The following THADA variants were observed in gnomAD, a reference collection of about 807,000 sequenced individuals.
THADA encodes the protein THADA armadillo repeat containing, also known as tRNA (32-2'-O)-methyltransferase regulator THADA.
In THADA, 213 loss-of-function variants were observed where a neutral mutation model predicts 219.8. That is an observed-to-expected ratio of 0.97 (90% confidence interval 0.87 to 1.09). The LOEUF is 1.09. Ranked by LOEUF, THADA falls within the 50% of genes least tolerant of loss-of-function variation. The pLI, the probability that THADA is intolerant of heterozygous loss-of-function variation, is 0.00. For synonymous variants in THADA, 1,018 were observed against 828.9 expected (o/e 1.23, Z -3.92); for missense variants, 2,956 against 2,311.3 (o/e 1.28, Z -5.72).
At chr2:43,417,401 T>C (rs1234268423) in intron 28 of THADA, among the ~76,000 whole-genome samples, 1 of 152,150 alleles carries the variant, frequency 6.6e-6, no homozygotes, top group Non-Finnish European at 1.5e-5. Flanking sequence ...TTTCCTATTA[T>C]AATAAGGAAA....
intron 28 of THADA, among the ~76,000 whole-genome samples, chr2:43,421,890 A>G (rs982705532): frequency 1.3e-5 from 2 of 152,222 alleles, no homozygotes; most frequent in Admixed American, 1.3e-4. Flanking sequence ...TGGCATCCCA[A>G]CTTCTTTTCT....
intron 29 of THADA, among the ~76,000 whole-genome samples, chr2:43,355,570 A>C (rs766124610): frequency 2.0e-5 from 3 of 152,170 alleles, no homozygotes; most frequent in Non-Finnish European, 2.9e-5. Context: ...CCAAGAAATC[A>C]CTGCCAAGGC....
chr2:43,279,211 A>T (rs1673065715), intron 36 of THADA, among the ~76,000 whole-genome samples: 2 of 152,170 alleles, frequency 1.3e-5, no homozygotes, highest in Admixed American at 6.5e-5. Context: ...CGACCTCAGG[A>T]CTACCCAGCT....
chr2:43,295,626 A>G (rs1675279166), intron 31 of THADA, among the ~76,000 whole-genome samples: 1 of 152,252 alleles, frequency 6.6e-6, no homozygotes, highest in Non-Finnish European at 1.5e-5. Context: ...AGCTAATAAA[A>G]CACCGTTTAT....
At chr2:43,356,619 G>C (rs1238615124) in intron 29 of THADA, among the ~76,000 whole-genome samples, 1 of 152,092 alleles carries the variant, frequency 6.6e-6, no homozygotes, top group Non-Finnish European at 1.5e-5. Flanking sequence ...TCAATTCAAA[G>C]CACCTTTAGT....
chr2:43,388,420 GA>G lies in THADA; in HGVS notation c.4227+9550del, dbSNP rs139731350. On this transcript the variant is annotated intron_variant, in intron 29 of 37. Transcript: ENST00000405975. ...GGATGGAAAGCATATCTTCCAAGAT[GA>G]AAAAAAAACTTGGAATGTGCTAGAT... Among the ~76,000 whole-genome samples the G allele has an allele frequency of 6.6e-3, 991 of 151,280 alleles. 12 individuals are homozygous for G. The highest frequency in any genetic ancestry group is 0.023 in the African/African-American group (951 of 41,250).
intron 36 of THADA, among the ~76,000 whole-genome samples, chr2:43,269,143 A>G (rs1671852749): frequency 6.6e-6 from 1 of 152,214 alleles, no homozygotes; most frequent in Admixed American, 6.5e-5. Flanking sequence ...AAGGAAGATC[A>G]CCAGGCACCA....
At chr2:43,499,055 G>C in intron 24 of THADA, 100 bp from the exon 25 acceptor site, 1 of 1,234,750 alleles carries the variant, frequency 8.1e-7, no homozygotes, top group African/African-American at 1.5e-5. Context: ...AAAATTTACT[G>C]AATTACAAGA....
chr2:43,498,937 G>A lies in THADA; in HGVS notation c.3640C>T (p.Leu1214Phe). ...CGCGTATCTCTGAACAATGCTCTAA[G>A]GATATTTAAAGCATGAACCTAAAAC... ...TVPQVHALNI[L>F]RALFRDTRLG... The change falls in exon 25 of 38, where the codon CTT becomes TTT. Residue 1214 changes from leucine to phenylalanine, a missense_variant. Coordinates refer to ENST00000405975, the MANE Select transcript of THADA (RefSeq NM_022065.5). The A allele has an allele frequency of 1.3e-6, 2 of 1,574,366 alleles. No homozygotes were observed. The highest frequency in any genetic ancestry group is 2.3e-5 in the East Asian group (1 of 43,598).
intron 1 of THADA, among the ~76,000 whole-genome samples, chr2:43,594,678 C>G (rs911592645): frequency 2.6e-4 from 40 of 152,188 alleles, no homozygotes; most frequent in African/African-American, 8.2e-4. Flanking sequence ...CACTCTTCAT[C>G]TCAAACCAAT....
chr2:43,364,566 G>T (rs1001736630), intron 29 of THADA, among the ~76,000 whole-genome samples: 1 of 152,186 alleles, frequency 6.6e-6, no homozygotes, highest in African/African-American at 2.4e-5. Context: ...TCACAATGGA[G>T]AATCACTGCA....
At chr2:43,479,552 A>G (rs575225795) in intron 26 of THADA, among the ~76,000 whole-genome samples, 7 of 152,328 alleles carry the variant, frequency 4.6e-5, no homozygotes, top group Admixed American at 3.9e-4. Flanking sequence ...ATAAGCCTCA[A>G]AATCCTCTAT....
At chr2:43,524,415 T>C (rs1692896310) in intron 22 of THADA, among the ~76,000 whole-genome samples, 1 of 152,236 alleles carries the variant, frequency 6.6e-6, no homozygotes, top group Non-Finnish European at 1.5e-5. Context: ...TCCATTAATC[T>C]CTTTAAGTGC....
chr2:43,454,001 T>A (rs1248232976), intron 26 of THADA, among the ~76,000 whole-genome samples: 1 of 152,094 alleles, frequency 6.6e-6, no homozygotes, highest in Non-Finnish European at 1.5e-5. Flanking sequence ...GGCTCAACCT[T>A]CCAAGTAGCT....
chr2:43,542,944 G>C (rs1695514121), intron 20 of THADA, among the ~76,000 whole-genome samples: 1 of 151,656 alleles, frequency 6.6e-6, no homozygotes, highest in Non-Finnish European at 1.5e-5. Flanking sequence ...GTATACATGT[G>C]CCATGCTGGT....
chr2:43,282,845 C>T (rs978220590), intron 35 of THADA, among the ~76,000 whole-genome samples: 2 of 152,318 alleles, frequency 1.3e-5, no homozygotes, highest in African/African-American at 2.4e-5. Context: ...TCTTGACACA[C>T]GGAGTAGCAG....
chr2:43,566,216 A>C (rs1698661592), intron 15 of THADA: 1 of 441,920 alleles, frequency 2.3e-6, no homozygotes, highest in Non-Finnish European at 4.0e-6. Flanking sequence ...GGGTATTATT[A>C]AATCAGAATA....
rs1181788919 is a variant in THADA at position 43,364,573 on chromosome 2, T to C, written c.4228-20336A>G. On this transcript the variant is annotated intron_variant, in intron 29 of 37. Coordinates refer to ENST00000405975, the MANE Select transcript of THADA (RefSeq NM_022065.5). Reference sequence around the variant, plus strand: ...AAAATGGCTCACAATGGAGAATCACTGCACTAGGCATTCTATTATATATAC... The same window carrying C: ...AAAATGGCTCACAATGGAGAATCACCGCACTAGGCATTCTATTATATATAC... Among the ~76,000 whole-genome samples the C allele has an allele frequency of 3.9e-5, 6 of 152,246 alleles. No homozygotes were observed. The East Asian group carries it at 1.2e-3, about 29-fold the overall frequency.
chr2:43,331,243 T>C (rs535261841), intron 30 of THADA, among the ~76,000 whole-genome samples: 11 of 152,348 alleles, frequency 7.2e-5, no homozygotes, highest in East Asian at 3.9e-4. Flanking sequence ...CTTAGCAACA[T>C]TGGAAAGACA....
Sources: gnomAD v4.1 joint callset for allele counts (sites outside exome capture counted in the v4.1 genomes callset) on GRCh38, gnomAD v4.1.1 for gene constraint, MANE v1.5 for transcripts, NCBI Gene and HGNC (gene_info 2026-07-23, HGNC 2026-07-21) for gene names.